EPB41L4B: variants seen among roughly 807,000 people sequenced by gnomAD.
EPB41L4B encodes the protein erythrocyte membrane protein band 4.1 like 4B, also known as band 4.1-like protein 4B.
A neutral mutation model predicts 112.5 loss-of-function variants in EPB41L4B; 30 were observed. The observed-to-expected ratio is 0.27, with a 90% CI of 0.20 to 0.36. EPB41L4B has a LOEUF of 0.36. EPB41L4B is among the 10% of genes least tolerant of loss of function. The pLI, the probability that EPB41L4B is intolerant of heterozygous loss-of-function variation, is 1.00. For synonymous variants in EPB41L4B, 408 were observed against 439.7 expected (o/e 0.93, Z 0.90); for missense variants, 1,024 against 1,133.3 (o/e 0.90, Z 1.38).
intron 19 of EPB41L4B, among the ~76,000 whole-genome samples, chr9:109,202,216 T>G (rs1418023118): frequency 6.6e-6 from 1 of 152,000 alleles, no homozygotes; most frequent in Non-Finnish European, 1.5e-5. Context: ...TGGGAAGAGA[T>G]GAATTAAGTT....
chr9:109,268,402 T>A lies in EPB41L4B; in HGVS notation c.443A>T (p.Lys148Met). The A allele has an allele frequency of 6.2e-7, 1 of 1,610,796 alleles. No individual in the cohort carries two copies. The highest frequency in any genetic ancestry group is 2.2e-5 in the East Asian group (1 of 44,832). ...HWLDHAKPIK[K>M]QMKIGPAYAL... is the part of the protein sequence containing the mutation. ...TTCTGCTTACTTACTTTTCATCTGC[T>A]TTTTTATGGGTTTGGCATGATCCAG... The change falls in exon 3 of 26, where the codon AAG (lysine) becomes ATG (methionine). Residue 148 changes from lysine (K) to methionine (M), a missense_variant. Physicochemically the swap from Lys to Met is moderately conservative, Grantham distance 95 (BLOSUM62 -1). Transcript: ENST00000374566.
intron 22 of EPB41L4B, among the ~76,000 whole-genome samples, chr9:109,188,750 T>C (rs1832354649): frequency 6.6e-6 from 1 of 152,188 alleles, no homozygotes; most frequent in Admixed American, 6.5e-5. Context: ...GCCCTGTCCT[T>C]CCAGACACAT....
At chr9:109,314,011 G>A (rs951797128) in intron 1 of EPB41L4B, among the ~76,000 whole-genome samples, 4 of 152,186 alleles carry the variant, frequency 2.6e-5, no homozygotes, top group South Asian at 2.1e-4. Flanking sequence ...CATTGTAAAC[G>A]AGAAATGAAA....
chr9:109,233,647 C>CA (rs755894536), intron 15 of EPB41L4B, among the ~76,000 whole-genome samples: 14 of 151,590 alleles, frequency 9.2e-5, no homozygotes, highest in Non-Finnish European at 2.1e-4. Context: ...TCTCCTGTCT[C>CA]AGACTCCTGA....
At chr9:109,268,553 A>AT (rs1228485289) in intron 2 of EPB41L4B, 120 bp from the exon 3 acceptor site, 1 of 847,630 alleles carries the variant, frequency 1.2e-6, no homozygotes, top group Non-Finnish European at 1.8e-6. Flanking sequence ...GGTTTGGATC[A>AT]TATCATGGGT....
chr9:109,315,987 A>G (rs551548230), intron 1 of EPB41L4B, among the ~76,000 whole-genome samples: 13 of 152,140 alleles, frequency 8.5e-5, no homozygotes, highest in Admixed American at 7.8e-4. Flanking sequence ...CAAAGTTCAA[A>G]GTAGAGGAAG....
Position 109,256,406 on chromosome 9 carries a change from A to G in EPB41L4B, c.827T>C (p.Met276Thr). ...CACAGTTCTTACCCTGACAACGTGC[A>G]TGTCTACCCCATACATTTCCAGCCA... ...AKWLEMYGVD[M>T]HVVRGRDGCE... The change falls in exon 8 of 26, where the codon ATG (methionine) becomes ACG (threonine). Residue 276 changes from methionine (M) to threonine (T), a missense_variant. Coordinates refer to ENST00000374566, the MANE Select transcript of EPB41L4B (RefSeq NM_019114.5). 6.2e-7 allele frequency: 1 copy of G among 1,614,206 alleles called. No individual in the cohort carries two copies. The highest frequency in any genetic ancestry group is 8.5e-7 in the Non-Finnish European group (1 of 1,180,020).
chr9:109,282,230 C>T (rs1400182195), intron 1 of EPB41L4B, among the ~76,000 whole-genome samples: 3 of 151,926 alleles, frequency 2.0e-5, no homozygotes, highest in African/African-American at 7.3e-5. Flanking sequence ...GTGGTTGCTT[C>T]GGGCAAAGGG....
At chr9:109,177,695 C>T (rs889820627) in intron 24 of EPB41L4B, among the ~76,000 whole-genome samples, 41 of 151,952 alleles carry the variant, frequency 2.7e-4, no homozygotes, top group Admixed American at 2.0e-3. Flanking sequence ...CGCTGGCGCA[C>T]GCCTGTAATC....
At chr9:109,232,685 T>C (rs1320611568) in intron 15 of EPB41L4B, among the ~76,000 whole-genome samples, 1 of 152,214 alleles carries the variant, frequency 6.6e-6, no homozygotes, top group Non-Finnish European at 1.5e-5. Context: ...ATAAGATGCA[T>C]AATCTGTTAA....
intron 6 of EPB41L4B, among the ~76,000 whole-genome samples, chr9:109,260,865 G>A (rs1835175751): frequency 6.6e-6 from 1 of 152,198 alleles, no homozygotes; most frequent in Admixed American, 6.5e-5. Context: ...AGTGTGGTGA[G>A]GGCTTCATTG....
chr9:109,226,837 T>C lies in EPB41L4B; in HGVS notation c.1410-9692A>G, dbSNP rs550051579. Among the ~76,000 whole-genome samples, 3 of 148,750 alleles carry C rather than the reference T, an allele frequency of 2.0e-5. No homozygotes were observed. In the Admixed American group the frequency reaches 2.0e-4, roughly 10 times the overall value. On this transcript the variant is annotated intron_variant, in intron 15 of 25. Coordinates refer to ENST00000374566, the MANE Select transcript of EPB41L4B (RefSeq NM_019114.5). ...AACATATATATATGAAGAATATATATATATATATTTGTTTTTTACAGACAG... is the reference window on the plus strand; with the variant it reads ...AACATATATATATGAAGAATATATACATATATATTTGTTTTTTACAGACAG...
At chr9:109,198,822 A>G (rs1421562060) in intron 20 of EPB41L4B, among the ~76,000 whole-genome samples, 1 of 151,686 alleles carries the variant, frequency 6.6e-6, no homozygotes, top group Non-Finnish European at 1.5e-5. Context: ...AGACAGGAGA[A>G]TTGCTTGAAT....
At chr9:109,294,325 AT>A (rs1348694016) in intron 1 of EPB41L4B, among the ~76,000 whole-genome samples, 2 of 150,634 alleles carry the variant, frequency 1.3e-5, no homozygotes, top group African/African-American at 2.4e-5. Flanking sequence ...AAAAAAAAAA[AT>A]CATTGTTAGG....
At chr9:109,306,203 G>A (rs1409912517) in intron 1 of EPB41L4B, among the ~76,000 whole-genome samples, 1 of 152,206 alleles carries the variant, frequency 6.6e-6, no homozygotes, top group Non-Finnish European at 1.5e-5. Flanking sequence ...TAAATGAAAT[G>A]ATCAAAGGTG....
rs534082988 is a variant in EPB41L4B, at chr9:109,302,292, C to G, written c.306+17849G>C. 2.6e-5 allele frequency among the ~76,000 whole-genome samples: 4 copies of G among 152,312 alleles called. No homozygotes were observed. In the South Asian group the frequency reaches 8.3e-4, roughly 32 times the overall value. ...GTCTCTTCATTGTTCTCGGCCTCTC[C>G]TTGGCTGGTAGATGGTCGTCTTCTC... On this transcript the variant is annotated intron_variant, in intron 1 of 25. Transcript: ENST00000374566.
At chr9:109,189,207 G>C (rs917238721) in intron 22 of EPB41L4B, among the ~76,000 whole-genome samples, 1 of 152,114 alleles carries the variant, frequency 6.6e-6, no homozygotes, top group Non-Finnish European at 1.5e-5. Flanking sequence ...ATACAGAATC[G>C]GAAATGGAAA....
chr9:109,226,935 C>T (rs1384213582), intron 15 of EPB41L4B, among the ~76,000 whole-genome samples: 1 of 151,518 alleles, frequency 6.6e-6, no homozygotes, highest in Non-Finnish European at 1.5e-5. Flanking sequence ...AATTCCTGGG[C>T]TCAAGCAATC....
At chr9:109,226,615 T>TATATATATATATATATGAAGA (rs1281704537) in intron 15 of EPB41L4B, among the ~76,000 whole-genome samples, 3 of 102,622 alleles carry the variant, frequency 2.9e-5, no homozygotes, top group African/African-American at 1.1e-4. Flanking sequence ...TTCATATATA[T>TATATATATATATATATGAAGA]ATATATATAT....
Sources: allele counts gnomAD v4.1 joint callset (sites outside exome capture counted in the v4.1 genomes callset), GRCh38; gene constraint gnomAD v4.1.1; transcripts MANE v1.5; gene names NCBI Gene and HGNC (gene_info 2026-07-23, HGNC 2026-07-21).